The following HSPA14 variants were observed in gnomAD, a reference collection of about 807,000 sequenced individuals.
HSPA14 encodes heat shock protein family A (Hsp70) member 14, also known as heat shock 70 kDa protein 14.
Under a neutral mutation model 65.5 loss-of-function variants are expected in HSPA14, and 37 were observed. The ratio of observed to expected loss-of-function variants is 0.56; its 90% CI spans 0.43 to 0.74. The LOEUF is 0.74. Among genes scored for constraint, HSPA14 ranks in the 30% least tolerant of loss-of-function variants. The pLI, the probability that HSPA14 is intolerant of heterozygous loss-of-function variation, is 0.00. For missense variants in HSPA14, 564 were observed against 607.6 expected (o/e 0.93, Z 0.75); for synonymous variants, 203 against 214.2 (o/e 0.95, Z 0.46).
intron 10 of HSPA14, among the ~76,000 whole-genome samples, chr10:14,859,956 G>C (rs1440961594): frequency 6.6e-6 from 1 of 151,954 alleles, no homozygotes; most frequent in Non-Finnish European, 1.5e-5. Flanking sequence ...AAATAACTTG[G>C]GATGATGTAA....
At chr10:14,859,931 A>T (rs1306473953) in intron 10 of HSPA14, among the ~76,000 whole-genome samples, 2 of 152,078 alleles carry the variant, frequency 1.3e-5, no homozygotes, top group Non-Finnish European at 2.9e-5. Context: ...TTTTTGACAC[A>T]GTTGCATTGT....
Position 14,869,232 on chromosome 10 carries a change from CGTGTGT to C in HSPA14, c.1381-1338_1381-1333del, listed in dbSNP as rs68155495. Among the ~76,000 whole-genome samples the C allele has an allele frequency of 9.2e-3, 1,326 of 144,782 alleles. 17 individuals carry two copies. Among genetic ancestry groups the C allele is most frequent in the African/African-American group, 0.024 (960 of 39,730 alleles). The allele number at this position is 144,782 out of a possible 152,430, so 95.0% of individuals were successfully genotyped here. ...ATGAGATATTGTGTGTGTACGTGTA[CGTGTGT>C]GTGTGTGTGTGTGTGTGTGTGTGTG... On this transcript the variant is annotated intron_variant, in intron 12 of 13. Coordinates refer to ENST00000378372, the MANE Select transcript of HSPA14 (RefSeq NM_016299.4).
At chr10:14,845,953 A>G (rs937121879) in intron 3 of HSPA14, 1 of 872,242 alleles carries the variant, frequency 1.1e-6, no homozygotes, top group Non-Finnish European at 1.4e-6. Flanking sequence ...AAAATTTGAA[A>G]TAGCATAATA....
intron 11 of HSPA14, 32 bp from the exon 12 acceptor site, chr10:14,867,704 A>G: frequency 6.3e-7 from 1 of 1,581,640 alleles, no homozygotes; most frequent in South Asian, 1.2e-5. Context: ...GATAAATACC[A>G]AAGAGTATGC....
chr10:14,855,831 G>A lies in HSPA14; in HGVS notation c.891-10G>A. 4 of 1,420,594 alleles carry A rather than the reference G, an allele frequency of 2.8e-6. No individual in the cohort carries two copies. The highest frequency in any genetic ancestry group is 2.3e-5 in the South Asian group (2 of 87,000). 88.0% of individuals were successfully genotyped at this position (1,420,594 alleles called of 1,614,324 possible). On this transcript the variant is annotated splice_polypyrimidine_tract_variant and intron_variant, in intron 9 of 13. Transcript: ENST00000378372. ...TCTGTGTGTTTCTGTGTGTGTGTAT[G>A]TGTGTACAGAGCAAGATTTGAACTT...
rs1564319273 is a variant in HSPA14, at chr10:14,842,445, GCTT to G, written c.221+2290_221+2292del. 21 of 1,536,046 alleles carry G rather than the reference GCTT, an allele frequency of 1.4e-5. No homozygotes were observed. The highest frequency in any genetic ancestry group is 1.8e-5 in the Non-Finnish European group (21 of 1,146,932). ...GTGTCTAAGCGAATGCAGCAGGAGG[GCTT>G]CCGCCGCACCGAACGTCAGTGCCGC... is the stretch of plus-strand genomic sequence containing the variant. On this transcript the variant is annotated intron_variant, in intron 3 of 13. Transcript: ENST00000378372. The surrounding 1 kb of genome is among the most constrained non-coding windows in gnomAD (Gnocchi z 5.2).
At chr10:14,843,407 A>C in intron 3 of HSPA14, 1 of 1,550,896 alleles carries the variant, frequency 6.4e-7, no homozygotes, top group Middle Eastern at 1.7e-4. Context: ...AGCAGCTCCC[A>C]CAGCCTTTTC....
At chr10:14,865,427 G>C (rs1210286485) in intron 10 of HSPA14, among the ~76,000 whole-genome samples, 1 of 151,952 alleles carries the variant, frequency 6.6e-6, no homozygotes, top group East Asian at 1.9e-4. Context: ...TATTGCCTAG[G>C]TTTTCTTCTA....
chr10:14,838,477 T>C lies in HSPA14; in HGVS notation c.57+18T>C. On this transcript the variant is annotated intron_variant, in intron 1 of 13. Coordinates refer to ENST00000378372, the MANE Select transcript of HSPA14 (RefSeq NM_016299.4). Reference sequence around the variant, plus strand: ...TCTATAAGGTGAGGGGCTGCGGAGCTGGGCTAGGGCTTCATGACGGCCACC... The same window carrying C: ...TCTATAAGGTGAGGGGCTGCGGAGCCGGGCTAGGGCTTCATGACGGCCACC... 6.3e-7 allele frequency: 1 copy of C among 1,595,246 alleles called. No individual in the cohort carries two copies.
chr10:14,850,842 A>T (rs1425276254), intron 6 of HSPA14: 1 of 157,326 alleles, frequency 6.4e-6, no homozygotes, highest in African/African-American at 2.4e-5. Flanking sequence ...AAGTACTTTG[A>T]ATGGGGAAGT....
chr10:14,847,949 C>A (rs1373320659), intron 3 of HSPA14, among the ~76,000 whole-genome samples: 3 of 152,196 alleles, frequency 2.0e-5, no homozygotes, highest in Admixed American at 2.0e-4. Context: ...GACTCTGCCC[C>A]TTGTTAGCTT....
chr10:14,850,736 T>G (rs1834102194), intron 6 of HSPA14: 1 of 152,362 alleles, frequency 6.6e-6, no homozygotes, highest in Non-Finnish European at 1.5e-5. Flanking sequence ...GATTACTGTT[T>G]AAGCCACACT....
At chr10:14,864,349 T>C (rs187499013) in intron 10 of HSPA14, among the ~76,000 whole-genome samples, 101 of 151,668 alleles carry the variant, frequency 6.7e-4, no homozygotes, top group South Asian at 4.2e-4. Flanking sequence ...ATTTTTATTA[T>C]ACTTTAAGTT....
chr10:14,862,773 A>C (rs765988457), intron 10 of HSPA14, among the ~76,000 whole-genome samples: 17 of 151,962 alleles, frequency 1.1e-4, no homozygotes, highest in Admixed American at 2.0e-4. Flanking sequence ...TCGAACTCCC[A>C]GGCTCAGGTG....
At chr10:14,849,234 G>A (rs979180970) in intron 5 of HSPA14, among the ~76,000 whole-genome samples, 10 of 152,190 alleles carry the variant, frequency 6.6e-5, no homozygotes, top group African/African-American at 2.2e-4. Context: ...AGACTAAGTA[G>A]GTCTGATTTT....
intron 3 of HSPA14, among the ~76,000 whole-genome samples, chr10:14,847,553 T>C (rs1239712208): frequency 6.6e-6 from 1 of 152,186 alleles, no homozygotes; most frequent in African/African-American, 2.4e-5. Context: ...GTCCTATTGA[T>C]ATTTTAGGTG....
chr10:14,861,472 T>G (rs1220717040), intron 10 of HSPA14, among the ~76,000 whole-genome samples: 1 of 151,978 alleles, frequency 6.6e-6, no homozygotes, highest in Non-Finnish European at 1.5e-5. Flanking sequence ...ACTACAGGTG[T>G]GTGCCTTTTT....
intron 3 of HSPA14, chr10:14,846,197 A>G (rs1834050446): frequency 5.1e-6 from 5 of 985,208 alleles, no homozygotes; most frequent in African/African-American, 1.7e-5. Context: ...GTCTTAGGCT[A>G]TTATATGGAA....
chr10:14,867,546 C>T (rs775011673), intron 11 of HSPA14, among the ~76,000 whole-genome samples, 190 bp from the exon 12 acceptor site: 32 of 152,112 alleles, frequency 2.1e-4, no homozygotes, highest in Non-Finnish European at 3.8e-4. Flanking sequence ...TAATCATAAG[C>T]TAATATAGAG....
Sources: gnomAD v4.1 joint callset for allele counts (sites outside exome capture counted in the v4.1 genomes callset) on GRCh38, gnomAD v4.1.1 for gene constraint, Gnocchi (gnomAD v3.1) non-coding constraint, MANE v1.5 for transcripts, NCBI Gene and HGNC (gene_info 2026-07-23, HGNC 2026-07-21) for gene names.